MAP3K19: variants seen among roughly 807,000 people sequenced by gnomAD.
MAP3K19 encodes SPS1/STE20-related protein kinase YSK4.
In MAP3K19, 91 loss-of-function variants were observed where a neutral mutation model predicts 114.4. The ratio of observed to expected loss-of-function variants is 0.80; its 90% confidence interval spans 0.67 to 0.95. The LOEUF (loss-of-function observed/expected upper bound fraction) is 0.95. MAP3K19 is among the 40% of genes least tolerant of loss of function. The pLI, the probability that MAP3K19 is intolerant of heterozygous loss-of-function variation, is 0.00. For missense variants in MAP3K19, 1,471 were observed against 1,573.2 expected, an observed-to-expected ratio of 0.94 and a Z score of 1.10; for synonymous variants, 518 against 530.5, an observed-to-expected ratio of 0.98 and a Z score of 0.32.
chr2:135,018,910 C>G (rs991102158), intron 5 of MAP3K19, among the ~76,000 whole-genome samples: 1 of 151,996 alleles, frequency 6.6e-6, no homozygotes, highest in African/African-American at 2.4e-5. Context: ...CATGGTGAAA[C>G]CCCATCTCTA....
chr2:135,017,941 A>G (rs558278129), intron 5 of MAP3K19, among the ~76,000 whole-genome samples: 55 of 152,346 alleles, frequency 3.6e-4, no homozygotes, highest in African/African-American at 1.3e-3. Context: ...TGACAGTGAC[A>G]ATTTTAAGAT....
chr2:134,987,196 G>A lies in MAP3K19; in HGVS notation c.1676C>T (p.Pro559Leu), dbSNP rs756841557. ...PQNFVISTEG[P>L]IKPTMHKTSI... is the part of the protein sequence containing the mutation. ...GGTTTTATGCATGGTAGGCTTAATGGGACCTTCAGTAGAAATCACAAAATT... is the reference window on the plus strand; with the variant it reads ...GGTTTTATGCATGGTAGGCTTAATGAGACCTTCAGTAGAAATCACAAAATT... Residue 559 changes from proline to leucine, a missense_variant, in exon 10 of 13, where the codon CCC (proline) becomes CTC (leucine). Physicochemically the swap from Pro to Leu is moderately conservative, Grantham distance 98 (BLOSUM62 -3). Transcript: ENST00000392915. The A allele has an allele frequency of 2.5e-6, 4 of 1,614,084 alleles. No individual in the cohort carries two copies. The highest frequency in any genetic ancestry group is 3.4e-6 in the Non-Finnish European group (4 of 1,180,016).
chr2:135,040,599 C>T (rs1440530215), intron 1 of MAP3K19, 97 bp from the exon 2 acceptor site: 3 of 152,612 alleles, frequency 2.0e-5, no homozygotes, highest in African/African-American at 7.2e-5. Flanking sequence ...GCCAGCAAAG[C>T]TGTGAGTGGT....
rs142759038 is a variant in MAP3K19 at position 134,985,887 on chromosome 2, T to G, written c.2985A>C (p.Thr995=). ...GGACAAGATTTAGGTTTTCAGGATCTGTTTCATTTGCCATTTTTTGGCAAG... is the reference window on the plus strand; with the variant it reads ...GGACAAGATTTAGGTTTTCAGGATCGGTTTCATTTGCCATTTTTTGGCAAG... ...NNSCQKMANE[T]DPENLNLVLR... is the part of the protein sequence containing the mutation. The change falls in exon 10 of 13, where the codon ACA becomes ACC. Residue 995 remains threonine, a synonymous_variant. Coordinates refer to ENST00000392915, the MANE Select transcript of MAP3K19 (RefSeq NM_025052.5). 8.7e-5 allele frequency: 140 copies of G among 1,613,990 alleles called. No individual in the cohort carries two copies. The highest frequency in any genetic ancestry group is 1.1e-4 in the Non-Finnish European group (128 of 1,180,012).
chr2:135,039,349 G>A (rs62168939), intron 2 of MAP3K19, among the ~76,000 whole-genome samples: 6,290 of 151,900 alleles, frequency 0.041, 158 homozygotes, highest in African/African-American at 0.055. Context: ...TTGTGAGGCT[G>A]AGGCGTGTGG....
Position 134,981,516 on chromosome 2 carries a change from T to C in MAP3K19, c.3225A>G (p.Val1075=). The C allele has an allele frequency of 6.2e-7, 1 of 1,602,900 alleles. No homozygotes were observed. Among genetic ancestry groups the C allele is most frequent in the Non-Finnish European group, 8.5e-7 (1 of 1,173,616 alleles). ...EILGKGAYGT[V]YCGLTSQGQL... ...GTCCTTGACTAGTGAGACCACAGTA[T>C]ACCTAGAAGCAAATCAATAATACCT... is the stretch of plus-strand genomic sequence containing the variant. The change falls in exon 12 of 13, where the codon GTA becomes GTG. Residue 1075 remains valine (V), a splice_region_variant and synonymous_variant. Coordinates refer to ENST00000392915, the MANE Select transcript of MAP3K19 (RefSeq NM_025052.5).
rs754721358 is a variant in MAP3K19 at position 135,005,512 on chromosome 2, T to C, written c.158A>G (p.Asp53Gly). The change falls in exon 6 of 13, where the codon GAC (aspartate) becomes GGC (glycine). Residue 53 changes from aspartate (D) to glycine (G), a missense_variant. By Grantham distance (94) the Asp-to-Gly change is moderately conservative. Coordinates refer to ENST00000392915, the MANE Select transcript of MAP3K19 (RefSeq NM_025052.5). ...SRSEEFDQDG[D>G]CSHSTLVNEE... is the part of the protein sequence containing the mutation. ...ATTAACCAGTGTGGAATGACTGCAG[T>C]CACCATCTTGGTCGAACTCCTGCAA... is the stretch of plus-strand genomic sequence containing the variant. The C allele has an allele frequency of 6.2e-7, 1 of 1,613,880 alleles. No homozygotes were observed. Among genetic ancestry groups the C allele is most frequent in the Non-Finnish European group, 8.5e-7 (1 of 1,179,886 alleles).
intron 4 of MAP3K19, chr2:135,023,462 A>C (rs890179337): frequency 5.6e-6 from 3 of 533,400 alleles, no homozygotes; most frequent in Non-Finnish European, 1.2e-5. Flanking sequence ...CTAACCTTTC[A>C]ACCGGTCCTT....
chr2:135,003,289 T>G (rs1361966862), intron 6 of MAP3K19, among the ~76,000 whole-genome samples: 1 of 152,206 alleles, frequency 6.6e-6, no homozygotes, highest in East Asian at 1.9e-4. Flanking sequence ...CTAAGAAAGT[T>G]CCTCTCCTCT....
chr2:135,042,677 C>T (rs1288693565), intron 1 of MAP3K19, among the ~76,000 whole-genome samples: 1 of 152,048 alleles, frequency 6.6e-6, no homozygotes, highest in African/African-American at 2.4e-5. Context: ...GGAATTTACC[C>T]TGGATTCCCC....
chr2:135,039,354 GTGTGGATCTCT>G (rs1558747155), intron 2 of MAP3K19, among the ~76,000 whole-genome samples: 2 of 151,714 alleles, frequency 1.3e-5, no homozygotes, highest in Non-Finnish European at 2.9e-5. Context: ...AGGCTGAGGC[GTGTGGATCTCT>G]TGAAACCAAG....
intron 4 of MAP3K19, chr2:135,023,622 C>A: frequency 2.0e-6 from 1 of 491,262 alleles, no homozygotes; most frequent in African/African-American, 2.0e-5. Context: ...TCTGTGTCTC[C>A]GCTGTCAACA....
At chr2:135,009,512 T>C (rs1687068555) in intron 5 of MAP3K19, among the ~76,000 whole-genome samples, 1 of 152,216 alleles carries the variant, frequency 6.6e-6, no homozygotes, top group Non-Finnish European at 1.5e-5. Context: ...ATTTTTATGC[T>C]GAGCTTTGAG....
At chr2:134,969,197 C>G (rs192495882) in intron 12 of MAP3K19, among the ~76,000 whole-genome samples, 1 of 149,898 alleles carries the variant, frequency 6.7e-6, no homozygotes, top group Non-Finnish European at 1.5e-5. Flanking sequence ...AAAAAAAATA[C>G]GAAAACCAGT....
At chr2:135,026,502 C>G (rs1161308985) in intron 3 of MAP3K19, among the ~76,000 whole-genome samples, 1 of 136,146 alleles carries the variant, frequency 7.3e-6, no homozygotes, top group African/African-American at 3.2e-5. Flanking sequence ...GCTCCCTCCT[C>G]CTTTTTTTTT....
At chr2:135,022,888 A>G (rs1250116487) in intron 4 of MAP3K19, among the ~76,000 whole-genome samples, 2 of 152,142 alleles carry the variant, frequency 1.3e-5, no homozygotes, top group Non-Finnish European at 2.9e-5. Flanking sequence ...TCCTCTGAAC[A>G]CACTTCCTAT....
chr2:134,987,950 A>G lies in MAP3K19; in HGVS notation c.922T>C (p.Trp308Arg). ...HRQCLEKEEN[W>R]KSKEIEECNK... Reference sequence around the variant, plus strand: ...CATTCTTCTATTTCCTTGGATTTCCAGTTTTCCTCCTTCTCCAGGCATTGC... The same window carrying G: ...CATTCTTCTATTTCCTTGGATTTCCGGTTTTCCTCCTTCTCCAGGCATTGC... The change falls in exon 10 of 13, where the codon TGG (tryptophan) becomes CGG (arginine). Residue 308 changes from tryptophan (W) to arginine (R), a missense_variant. Transcript: ENST00000392915. 1 of 1,614,182 alleles carries G rather than the reference A, an allele frequency of 6.2e-7. No individual in the cohort carries two copies. Among genetic ancestry groups the G allele is most frequent in the Non-Finnish European group, 8.5e-7 (1 of 1,180,032 alleles).
chr2:135,011,247 A>G (rs1335780155), intron 5 of MAP3K19, among the ~76,000 whole-genome samples: 2 of 152,192 alleles, frequency 1.3e-5, no homozygotes, highest in Admixed American at 1.3e-4. Flanking sequence ...AGGTTTTTAA[A>G]AAAAGTTTTG....
Position 134,988,231 on chromosome 2 carries a change from A to T in MAP3K19, c.641T>A (p.Leu214His). The stretch of plus-strand genomic sequence containing the variant: ...AAGGACACCAGATCGCGTGGGCAAG[A>T]GTGACAGTGGTGGCAGAAGGAACTA... Reference protein sequence around the residue: ...SIKFLLPPLSLLPTRSGVLTI... With the variant: ...SIKFLLPPLSHLPTRSGVLTI... Residue 214 changes from leucine to histidine, a missense_variant, in exon 10 of 13, where the codon CTC (leucine) becomes CAC (histidine). Coordinates refer to ENST00000392915, the MANE Select transcript of MAP3K19 (RefSeq NM_025052.5). The T allele has an allele frequency of 6.3e-7, 1 of 1,579,874 alleles. No individual in the cohort carries two copies.
Sources: gnomAD v4.1 joint callset for allele counts (sites outside exome capture counted in the v4.1 genomes callset) on GRCh38, gnomAD v4.1.1 for gene constraint, MANE v1.5 for transcripts, NCBI Gene and HGNC (gene_info 2026-07-23, HGNC 2026-07-21) for gene names.